Variants in FHIT observed in about 807,000 individuals in gnomAD.
The protein encoded by FHIT is bis(5'-adenosyl)-triphosphatase.
FHIT carries 19 observed loss-of-function variants against 17.9 expected under a neutral mutation model. That is an observed-to-expected ratio of 1.06 (90% CI 0.74 to 1.56). The LOEUF is 1.56. FHIT is among the 40% of genes most tolerant of loss of function. The probability of loss-of-function intolerance (pLI) is 0.00; values close to 1 mark genes in which losing one functional copy is unlikely to be tolerated. For missense variants in FHIT, 248 were observed against 189.2 expected, an observed-to-expected ratio of 1.31 and a Z score of -1.82; for synonymous variants, 81 against 69.7, an observed-to-expected ratio of 1.16 and a Z score of -0.81.
At position 60,428,139 on chromosome 3, in the gene FHIT, C is replaced by T. The variant is rs145196295; in HGVS notation, c.103+108721G>A. On this transcript the variant is annotated intron_variant, in intron 5 of 9. Transcript: ENST00000492590. The stretch of plus-strand genomic sequence containing the variant: ...CCAAAGTTAATGAAATTGGCACAAC[C>T]CCAAGAGGGCTCTCAAAGTCCAATA... 4.4e-4 allele frequency among the ~76,000 whole-genome samples: 67 copies of T among 152,166 alleles called. 1 individual carries two copies. The highest frequency in any genetic ancestry group is 1.5e-3 in the African/African-American group (61 of 41,536).
rs150061695 is a variant in FHIT at position 60,386,564 on chromosome 3, A to G, written c.103+150296T>C. 3.0e-4 allele frequency among the ~76,000 whole-genome samples: 45 copies of G among 152,292 alleles called. No homozygotes were observed. The East Asian group carries it at 5.6e-3, about 19-fold the overall frequency. On this transcript the variant is annotated intron_variant, in intron 5 of 9. Coordinates refer to ENST00000492590, the MANE Select transcript of FHIT (RefSeq NM_002012.4). ...TATACCCAGAGGACAAGGTTTGAGCATCTTCTGGTAAACAGCAATCTTTCT... is the reference window on the plus strand; with the variant it reads ...TATACCCAGAGGACAAGGTTTGAGCGTCTTCTGGTAAACAGCAATCTTTCT...
intron 4 of FHIT, among the ~76,000 whole-genome samples, chr3:60,667,198 C>A (rs2040402311): frequency 6.6e-6 from 1 of 151,590 alleles, no homozygotes; most frequent in East Asian, 1.9e-4. Flanking sequence ...TCTTTCAGTC[C>A]CATTATCTTT....
chr3:60,632,371 G>A (rs112588785), intron 4 of FHIT, among the ~76,000 whole-genome samples: 1,670 of 152,214 alleles, frequency 0.011, 38 homozygotes, highest in African/African-American at 0.039. Context: ...CTTCTCTTCC[G>A]AACAACTATC....
At chr3:60,755,994 T>G (rs1187594168) in intron 4 of FHIT, among the ~76,000 whole-genome samples, 2 of 152,234 alleles carry the variant, frequency 1.3e-5, no homozygotes, top group African/African-American at 4.8e-5. Flanking sequence ...CAAAGCATTC[T>G]GTTCTTTGGT....
chr3:60,753,535 A>G (rs1172519513), intron 4 of FHIT, among the ~76,000 whole-genome samples: 1 of 152,214 alleles, frequency 6.6e-6, no homozygotes, highest in Admixed American at 6.5e-5. Flanking sequence ...TGGGAGTTCT[A>G]TTACATTAAG....
chr3:60,522,935 A>C (rs2107569648), intron 5 of FHIT, among the ~76,000 whole-genome samples: 1 of 152,178 alleles, frequency 6.6e-6, no homozygotes, highest in Non-Finnish European at 1.5e-5. Flanking sequence ...GGTTTAATAG[A>C]CTCATAGTTC....
intron 3 of FHIT, among the ~76,000 whole-genome samples, chr3:61,039,454 G>T (rs1247636412): frequency 2.6e-5 from 4 of 151,944 alleles, no homozygotes; most frequent in Non-Finnish European, 5.9e-5. Context: ...AACTTGCGAG[G>T]GATTTCCATC....
intron 5 of FHIT, among the ~76,000 whole-genome samples, chr3:60,111,529 G>T (rs1368238514): frequency 1.3e-5 from 2 of 152,018 alleles, no homozygotes. Context: ...ATTTCTTTGG[G>T]GCTATCTTTC....
Position 60,755,902 on chromosome 3 carries a change from G to T in FHIT, c.-18+66017C>A, listed in dbSNP as rs563655292. Among the ~76,000 whole-genome samples the T allele has an allele frequency of 1.5e-4, 23 of 152,276 alleles. No homozygotes were observed. The South Asian group carries it at 3.1e-3, about 21-fold the overall frequency. On this transcript the variant is annotated intron_variant, in intron 4 of 9. Transcript: ENST00000492590. ...TGATTTGAATCATTTAAGGAAAAAG[G>T]TTCCAGACAAACATTGCATGCATTA...
intron 4 of FHIT, among the ~76,000 whole-genome samples, chr3:60,695,533 A>T (rs2107895557): frequency 6.6e-6 from 1 of 152,294 alleles, no homozygotes; most frequent in African/African-American, 2.4e-5. Context: ...AATGTTATGT[A>T]AATTATTTAT....
chr3:60,693,701 C>T (rs192810335), intron 4 of FHIT, among the ~76,000 whole-genome samples: 1 of 152,320 alleles, frequency 6.6e-6, no homozygotes, highest in East Asian at 1.9e-4. Context: ...CACTTGACCT[C>T]GTCCTGCAAA....
chr3:60,217,835 A>C (rs998646280), intron 5 of FHIT, among the ~76,000 whole-genome samples: 2 of 152,188 alleles, frequency 1.3e-5, no homozygotes, highest in Non-Finnish European at 2.9e-5. Context: ...TTCCTCAAGG[A>C]ATTACTCTGC....
chr3:59,802,471 C>T (rs909631815), intron 8 of FHIT, among the ~76,000 whole-genome samples: 3 of 152,152 alleles, frequency 2.0e-5, no homozygotes, highest in Non-Finnish European at 4.4e-5. Flanking sequence ...CCTGCCTTAA[C>T]TGATGACATT....
At chr3:60,142,678 G>GTTTCTTTTTTTT (rs1308373561) in intron 5 of FHIT, among the ~76,000 whole-genome samples, 9 of 146,190 alleles carry the variant, frequency 6.2e-5, no homozygotes, top group African/African-American at 2.3e-4. Context: ...ACATTTTTGC[G>GTTTCTTTTTTTT]TTTCTTTTTT....
intron 3 of FHIT, among the ~76,000 whole-genome samples, chr3:61,000,386 A>C (rs1354722496): frequency 6.6e-6 from 1 of 152,224 alleles, no homozygotes; most frequent in East Asian, 1.9e-4. Flanking sequence ...CCATCATAAT[A>C]CAAGGGCTAT....
chr3:60,728,294 A>T (rs868968895), intron 4 of FHIT, among the ~76,000 whole-genome samples: 1 of 152,312 alleles, frequency 6.6e-6, no homozygotes, highest in Middle Eastern at 3.4e-3. Context: ...TCAAAAGGAA[A>T]ACTAGTCTGG....
At chr3:61,139,060 C>T (rs1174165414) in intron 2 of FHIT, among the ~76,000 whole-genome samples, 1 of 145,584 alleles carries the variant, frequency 6.9e-6, no homozygotes, top group African/African-American at 2.5e-5. Context: ...GACAGAGTCT[C>T]ACTCTGTCAC....
intron 5 of FHIT, among the ~76,000 whole-genome samples, chr3:60,280,047 AAC>A (rs1353405663): frequency 6.6e-5 from 10 of 150,642 alleles, no homozygotes; most frequent in Admixed American, 1.3e-4. Context: ...AAAAAAAAAA[AAC>A]AATAGAAGAA....
intron 2 of FHIT, among the ~76,000 whole-genome samples, chr3:61,116,058 C>G (rs1241425978): frequency 2.6e-5 from 4 of 151,998 alleles, no homozygotes; most frequent in Non-Finnish European, 5.9e-5. Flanking sequence ...TGAGGAAAAT[C>G]CTGGAATTTT....
Sources: gnomAD v4.1 joint callset for allele counts (sites outside exome capture counted in the v4.1 genomes callset) on GRCh38, gnomAD v4.1.1 for gene constraint, MANE v1.5 for transcripts, NCBI Gene and HGNC (gene_info 2026-07-23, HGNC 2026-07-21) for gene names.